The following NHERF2 variants were observed in gnomAD, a reference collection of about 807,000 sequenced individuals.
NHERF2 encodes NHERF family PDZ scaffold protein 2.
the NHERF2 span, chr16:2,033,372 C>T: frequency 6.5e-7 from 1 of 1,533,260 alleles, no homozygotes; most frequent in Non-Finnish European, 8.7e-7. Context: ...CCGGGAGTGC[C>T]ACGCCACCTG....
At chr16:2,036,447 G>C in the NHERF2 span, 1 of 1,604,416 alleles carries the variant, frequency 6.2e-7, no homozygotes, top group Non-Finnish European at 8.5e-7. Flanking sequence ...CCGCTCTGTG[G>C]ACCCGGGCTC....
At chr16:2,037,576 G>A in the NHERF2 span, 1 of 1,612,900 alleles carries the variant, frequency 6.2e-7, no homozygotes, top group Non-Finnish European at 8.5e-7. Flanking sequence ...GAAGTGACCT[G>A]CCTGGTTCCG....
the NHERF2 span, among the ~76,000 whole-genome samples, chr16:2,031,777 C>T: frequency 8.7e-4 from 132 of 152,264 alleles, no homozygotes; most frequent in African/African-American, 2.9e-3. Flanking sequence ...CTACAACCTC[C>T]GCTGTCTGGG....
At chr16:2,027,574 C>T in the NHERF2 span, among the ~76,000 whole-genome samples, 2 of 152,226 alleles carry the variant, frequency 1.3e-5, no homozygotes, top group African/African-American at 2.4e-5. Flanking sequence ...TACACGTGTG[C>T]GTGTGAACAC....
At chr16:2,028,972 G>A in the NHERF2 span, among the ~76,000 whole-genome samples, 4 of 152,160 alleles carry the variant, frequency 2.6e-5, no homozygotes, top group Admixed American at 6.5e-5. Flanking sequence ...GTGGGTGCCC[G>A]AGCCAGGAGC....
chr16:2,030,660 C>T, the NHERF2 span, among the ~76,000 whole-genome samples: 4 of 150,240 alleles, frequency 2.7e-5, no homozygotes, highest in African/African-American at 4.9e-5. Context: ...GAACCCTGGC[C>T]GGGTGCGGTG....
At chr16:2,032,553 T>A in the NHERF2 span, among the ~76,000 whole-genome samples, 91 of 152,114 alleles carry the variant, frequency 6.0e-4, no homozygotes, top group African/African-American at 2.0e-3. The surrounding 1 kb of genome is among the most constrained non-coding windows in gnomAD (Gnocchi z 4.0). Flanking sequence ...TTGTCTTTGG[T>A]GAAGGATGGA....
the NHERF2 span, chr16:2,036,938 A>G: frequency 1.3e-6 from 2 of 1,568,142 alleles, no homozygotes; most frequent in Non-Finnish European, 1.7e-6. Flanking sequence ...GCAGCCACTG[A>G]CACGCTGTCC....
the NHERF2 span, chr16:2,037,951 G>A: frequency 6.2e-7 from 1 of 1,613,532 alleles, no homozygotes; most frequent in South Asian, 1.1e-5. Context: ...AGATGGACTG[G>A]AACAGGAAGC....
chr16:2,034,779 C>T, the NHERF2 span, among the ~76,000 whole-genome samples: 3 of 147,682 alleles, frequency 2.0e-5, no homozygotes, highest in Admixed American at 1.3e-4. Flanking sequence ...GGGGGCTGTG[C>T]TCCACTTCCC....
chr16:2,036,722 C>T, the NHERF2 span: 23 of 1,610,230 alleles, frequency 1.4e-5, no homozygotes, highest in African/African-American at 2.7e-5. Flanking sequence ...ATGCTGGTGG[C>T]GGCAGGTGAA....
chr16:2,033,876 C>T, the NHERF2 span, among the ~76,000 whole-genome samples: 1 of 152,366 alleles, frequency 6.6e-6, no homozygotes. Context: ...ATTGCAGCCC[C>T]TCCACCTGAG....
chr16:2,037,465 C>T, the NHERF2 span: 3 of 1,338,698 alleles, frequency 2.2e-6, no homozygotes, highest in Admixed American at 5.9e-5. Flanking sequence ...GGGGGGTGTG[C>T]CTCTGTGCAC....
the NHERF2 span, chr16:2,038,433 C>A: frequency 6.0e-5 from 20 of 330,862 alleles, no homozygotes; most frequent in East Asian, 4.7e-4. Context: ...TCCCCTCCCC[C>A]TTGGGACGCG....
the NHERF2 span, chr16:2,036,212 C>G: frequency 8.8e-7 from 1 of 1,135,794 alleles, no homozygotes; most frequent in Non-Finnish European, 1.2e-6. Context: ...AGACCTGGGC[C>G]TGCCCGTGGG....
chr16:2,028,574 T>C, the NHERF2 span, among the ~76,000 whole-genome samples: 1 of 152,168 alleles, frequency 6.6e-6, no homozygotes, highest in Non-Finnish European at 1.5e-5. Context: ...TGAGGGTAAC[T>C]TGTCTGGGAC....
At chr16:2,037,247 C>T in the NHERF2 span, among the ~76,000 whole-genome samples, 4 of 152,190 alleles carry the variant, frequency 2.6e-5, no homozygotes, top group Admixed American at 6.5e-5. Context: ...AAGGAGTTGC[C>T]CTCCAGTCTC....
the NHERF2 span, among the ~76,000 whole-genome samples, chr16:2,028,634 G>A: frequency 6.6e-6 from 1 of 152,144 alleles, no homozygotes; most frequent in African/African-American, 2.4e-5. Context: ...CTCACTCTGG[G>A]TCATGGGGAG....
At chr16:2,030,794 A>C in the NHERF2 span, among the ~76,000 whole-genome samples, 1 of 151,972 alleles carries the variant, frequency 6.6e-6, no homozygotes, top group Non-Finnish European at 1.5e-5. Context: ...TACAAAAATC[A>C]GTTGGGCATG....
Sources: gnomAD v4.1 joint callset for allele counts (sites outside exome capture counted in the v4.1 genomes callset) on GRCh38, gnomAD v4.1.1 for gene constraint, Gnocchi (gnomAD v3.1) non-coding constraint, MANE v1.5 for transcripts, NCBI Gene and HGNC (gene_info 2026-07-23, HGNC 2026-07-21) for gene names.